Variants in KCNN2 observed in about 807,000 individuals in gnomAD.
KCNN2 encodes the protein small conductance calcium-activated potassium channel protein 2.
Under a neutral mutation model 55.5 loss-of-function variants are expected in KCNN2, and 24 were observed. That is an observed-to-expected ratio of 0.43 (90% CI 0.31 to 0.61). The LOEUF is 0.61. Among genes scored for constraint, KCNN2 ranks in the 20% least tolerant of loss-of-function variants. The pLI, the probability that KCNN2 is intolerant of heterozygous loss-of-function variation, is 0.08. For missense variants in KCNN2, 754 were observed against 853.6 expected (o/e 0.88, Z 1.45); for synonymous variants, 431 against 336.1 (o/e 1.28, Z -3.09).
intron 2 of KCNN2, among the ~76,000 whole-genome samples, chr5:114,261,661 T>C (rs1437155266): frequency 1.3e-5 from 2 of 152,210 alleles, no homozygotes; most frequent in Non-Finnish European, 2.9e-5. Context: ...AATCATGAGG[T>C]TGTGGGGTGA....
chr5:114,095,212 T>C (rs1342086365), intron 1 of KCNN2, among the ~76,000 whole-genome samples: 2 of 152,176 alleles, frequency 1.3e-5, no homozygotes, highest in African/African-American at 4.8e-5. Flanking sequence ...AGAACATCAC[T>C]GTGTTTCAGG....
In KCNN2 at chr5:114,182,475, T is replaced by G. The variant is rs574187008; in HGVS notation, c.-270-39005T>G. ...GACTTCATAGAGAGGTAATTACATC[T>G]TAACAATATTGAGCCTTCCAACCAC... On this transcript the variant is annotated intron_variant, in intron 1 of 10. Coordinates refer to the KCNN2 transcript ENST00000512097. 1.0e-3 allele frequency among the ~76,000 whole-genome samples: 154 copies of G among 152,264 alleles called. 2 individuals are homozygous for G. Among genetic ancestry groups the G allele is most frequent in the Non-Finnish European group, 2.0e-3 (134 of 67,978 alleles).
chr5:114,186,455 T>C (rs1753337099), intron 1 of KCNN2, among the ~76,000 whole-genome samples: 1 of 152,164 alleles, frequency 6.6e-6, no homozygotes, highest in African/African-American at 2.4e-5. Flanking sequence ...AAATAAATCA[T>C]TGATATTCCA....
At chr5:114,215,075 G>T (rs924910604) in intron 1 of KCNN2, among the ~76,000 whole-genome samples, 1 of 152,098 alleles carries the variant, frequency 6.6e-6, no homozygotes, top group African/African-American at 2.4e-5. Flanking sequence ...TTGGTGACAA[G>T]AATGTTTTGC....
intron 1 of KCNN2, among the ~76,000 whole-genome samples, chr5:114,142,349 T>A (rs1752303002): frequency 6.6e-6 from 1 of 152,146 alleles, no homozygotes; most frequent in Non-Finnish European, 1.5e-5. Flanking sequence ...TTTCTACATA[T>A]GGCTAGCCAG....
chr5:114,067,828 C>T (rs1372139325), intron 1 of KCNN2, among the ~76,000 whole-genome samples: 1 of 152,190 alleles, frequency 6.6e-6, no homozygotes. Context: ...TGTTAGCCTT[C>T]ACTTGCATAA....
intron 3 of KCNN2, among the ~76,000 whole-genome samples, chr5:114,420,746 A>T (rs1017442525): frequency 6.6e-6 from 1 of 152,254 alleles, no homozygotes; most frequent in East Asian, 1.9e-4. Context: ...TTTATAGGCA[A>T]TCTAGAACTT....
intron 1 of KCNN2, among the ~76,000 whole-genome samples, chr5:114,092,527 G>A (rs1306263906): frequency 1.3e-5 from 2 of 152,188 alleles, no homozygotes; most frequent in African/African-American, 4.8e-5. Flanking sequence ...CTACTAGGCA[G>A]TGCCCCTGTG....
chr5:114,322,375 C>A (rs1474636232), intron 2 of KCNN2, among the ~76,000 whole-genome samples: 2 of 152,176 alleles, frequency 1.3e-5, no homozygotes, highest in East Asian at 1.9e-4. Context: ...TTAATGTATT[C>A]TCTGAAGTCT....
chr5:114,227,826 A>T (rs1022261530), intron 2 of KCNN2, among the ~76,000 whole-genome samples: 7 of 152,204 alleles, frequency 4.6e-5, no homozygotes, highest in African/African-American at 1.4e-4. Context: ...AAGAGTAAAC[A>T]TTAAACATAT....
chr5:114,385,709 C>T (rs1758260374), intron 2 of KCNN2, among the ~76,000 whole-genome samples: 1 of 152,108 alleles, frequency 6.6e-6, no homozygotes, highest in African/African-American at 2.4e-5. Flanking sequence ...CTTTTCATGA[C>T]CCCAAAGGCT....
chr5:114,480,847 G>A (rs1762193660), intron 5 of KCNN2, among the ~76,000 whole-genome samples: 1 of 152,080 alleles, frequency 6.6e-6, no homozygotes, highest in African/African-American at 2.4e-5. Context: ...CAATAAACTA[G>A]GTACTGAAGG....
chr5:114,343,304 G>A (rs1245997953), intron 2 of KCNN2, among the ~76,000 whole-genome samples: 1 of 152,144 alleles, frequency 6.6e-6, no homozygotes, highest in East Asian at 1.9e-4. Context: ...GGGATGCTTG[G>A]TGAGAGAGTG....
At chr5:114,091,676 G>A (rs905284956) in intron 1 of KCNN2, among the ~76,000 whole-genome samples, 1 of 152,172 alleles carries the variant, frequency 6.6e-6, no homozygotes, top group Admixed American at 6.5e-5. Flanking sequence ...TTGTGGCTGG[G>A]AAACTTATAA....
chr5:114,111,419 G>A (rs1314189387), intron 1 of KCNN2, among the ~76,000 whole-genome samples: 1 of 152,130 alleles, frequency 6.6e-6, no homozygotes, highest in Non-Finnish European at 1.5e-5. Context: ...ACACAGGCAT[G>A]GGCAAAGACT....
chr5:114,252,786 TGTGAGAGA>T (rs1395010417), intron 2 of KCNN2, among the ~76,000 whole-genome samples: 22 of 147,096 alleles, frequency 1.5e-4, no homozygotes, highest in Admixed American at 2.0e-4. Context: ...TGTGTGTGTG[TGTGAGAGA>T]GAGAGAGAGA....
At chr5:114,109,788 G>A (rs183207285) in intron 1 of KCNN2, among the ~76,000 whole-genome samples, 31 of 152,142 alleles carry the variant, frequency 2.0e-4, no homozygotes, top group African/African-American at 7.0e-4. Flanking sequence ...TCACCATCTG[G>A]GGATGTGTTC....
At chr5:114,093,668 C>T (rs183454848) in intron 1 of KCNN2, among the ~76,000 whole-genome samples, 206 of 152,270 alleles carry the variant, frequency 1.4e-3, no homozygotes, top group Middle Eastern at 6.8e-3. Flanking sequence ...GCACCTTCTT[C>T]ATAAGGTGAC....
At chr5:114,130,863 G>A (rs979348481) in intron 1 of KCNN2, among the ~76,000 whole-genome samples, 2 of 152,044 alleles carry the variant, frequency 1.3e-5, no homozygotes, top group African/African-American at 2.4e-5. Flanking sequence ...ATAACGCCTT[G>A]CACAGCAGTC....
Sources: gnomAD v4.1 joint callset for allele counts (sites outside exome capture counted in the v4.1 genomes callset) on GRCh38, gnomAD v4.1.1 for gene constraint, MANE v1.5 for transcripts, NCBI Gene and HGNC (gene_info 2026-07-23, HGNC 2026-07-21) for gene names.